MIDEAS: variants seen among roughly 807,000 people sequenced by gnomAD.
MIDEAS encodes mitotic deacetylase-associated SANT domain protein.
Under a neutral mutation model 102.7 loss-of-function variants are expected in MIDEAS, and 26 were observed. The ratio of observed to expected loss-of-function variants is 0.25; its 90% CI spans 0.19 to 0.35. The LOEUF is 0.35. Among genes scored for constraint, MIDEAS ranks in the 10% least tolerant of loss-of-function variants. The pLI is 1.00. For synonymous variants in MIDEAS, 585 were observed against 591.0 expected (o/e 0.99, Z 0.15); for missense variants, 1,231 against 1,435.6 (o/e 0.86, Z 2.30).
At chr14:73,779,477 T>C (rs1374423000) in intron 1 of MIDEAS, among the ~76,000 whole-genome samples, 1 of 151,098 alleles carries the variant, frequency 6.6e-6, no homozygotes, top group Non-Finnish European at 1.5e-5. Flanking sequence ...AGCCAGTGTG[T>C]CTGTTGCCTA....
rs33980532 is a variant in MIDEAS at position 73,720,236 on chromosome 14, C to CTT, written c.2938-737_2938-736dup. The stretch of plus-strand genomic sequence containing the variant: ...AAGCATGAGTGTACTACACACATTC[C>CTT]TTTTTTTTTTTTTTTTTTTTGAGAT... On this transcript the variant is annotated intron_variant, in intron 11 of 12. Coordinates refer to ENST00000423556, the MANE Select transcript of MIDEAS (RefSeq NM_001367710.1). Among the ~76,000 whole-genome samples the CTT allele has an allele frequency of 2.6e-3, 306 of 116,752 alleles. 5 individuals carry two copies. The East Asian group carries it at 0.027, about 10-fold the overall frequency. 76.6% of individuals were successfully genotyped at this position (116,752 alleles called of 152,430 possible). A position where few individuals can be genotyped will look rare whatever the true frequency, so the allele number is the denominator to read the frequency against.
rs1305575110 is a variant in MIDEAS at position 73,717,786 on chromosome 14, A to G, written c.*1057T>C. 1 of 152,676 alleles carries G rather than the reference A, an allele frequency of 6.5e-6. No individual in the cohort carries two copies. Among genetic ancestry groups the G allele is most frequent in the Non-Finnish European group, 1.5e-5 (1 of 68,068 alleles). 9.5% of individuals were successfully genotyped at this position (152,676 alleles called of 1,614,324 possible). A position where few individuals can be genotyped will look rare whatever the true frequency, so the allele number is the denominator to read the frequency against. ...GTCAAGGAATGAAGGCTCCTGTCCA[A>G]TCGAGTTAGGAGACCTCTCCCTCCC... On this transcript the variant is annotated 3_prime_UTR_variant, in exon 13 of 13. Transcript: ENST00000423556.
chr14:73,736,943 T>C (rs995133560), intron 3 of MIDEAS, 55 bp downstream of exon 3: 1 of 1,549,254 alleles, frequency 6.5e-7, no homozygotes, highest in Non-Finnish European at 8.8e-7. Context: ...CATAGGGTCC[T>C]GGGCCCCCTG....
At chr14:73,727,249 G>A in intron 5 of MIDEAS, 1 of 642,492 alleles carries the variant, frequency 1.6e-6, no homozygotes, top group Non-Finnish European at 2.7e-6. Flanking sequence ...ATAAGTTCAA[G>A]CTGAGCCGGT....
chr14:73,772,615 T>C (rs61374877), intron 1 of MIDEAS, among the ~76,000 whole-genome samples: 52 of 152,032 alleles, frequency 3.4e-4, no homozygotes, highest in African/African-American at 1.2e-3. Flanking sequence ...TTTTAAGCAA[T>C]GTTGCTATAA....
chr14:73,719,439 C>A lies in MIDEAS; in HGVS notation c.3000G>T (p.Gln1000His), dbSNP rs1305877681. The change falls in exon 12 of 13, where the codon CAG becomes CAT. Residue 1000 changes from glutamine (Q) to histidine (H), a missense_variant. By Grantham distance (24) the Gln-to-His change is conservative. Around this residue, in one of 5 missense-constraint regions of MIDEAS, gnomAD observed 391 missense variants for 483.0 expected, o/e 0.81. Coordinates refer to ENST00000423556, the MANE Select transcript of MIDEAS (RefSeq NM_001367710.1). ...ESNAPGSAGG[Q>H]ASEKPREGTG... ...TCCCTTCCCTTGGCTTCTCCGAGGC[C>A]TGGCCACCGGCAGACCCAGGGGCGT... 1 of 1,613,992 alleles carries A rather than the reference C, an allele frequency of 6.2e-7. No homozygotes were observed. The highest frequency in any genetic ancestry group is 8.5e-7 in the Non-Finnish European group (1 of 1,180,014).
chr14:73,757,215 C>T (rs887738532), intron 1 of MIDEAS, among the ~76,000 whole-genome samples: 3 of 140,328 alleles, frequency 2.1e-5, no homozygotes, highest in African/African-American at 5.4e-5. Flanking sequence ...GAGATTGCAG[C>T]GACCTGAGAT....
intron 1 of MIDEAS, among the ~76,000 whole-genome samples, chr14:73,743,314 G>T (rs1226334880): frequency 6.6e-6 from 1 of 152,134 alleles, no homozygotes; most frequent in Non-Finnish European, 1.5e-5. Context: ...CCCAAATACA[G>T]CTGAGACCCT....
chr14:73,726,088 CA>C lies in MIDEAS; in HGVS notation c.2429del (p.Leu810ArgfsTer2). 6.3e-7 allele frequency: 1 copy of C among 1,596,418 alleles called. No individual in the cohort carries two copies. Among genetic ancestry groups the C allele is most frequent in the Non-Finnish European group, 8.5e-7 (1 of 1,172,286 alleles). On this transcript the variant is annotated frameshift_variant, in exon 8 of 13. Coordinates refer to ENST00000423556, the MANE Select transcript of MIDEAS (RefSeq NM_001367710.1). LOFTEE classifies it high-confidence loss of function. Reference sequence around the variant, plus strand: ...TGTGGGGCCGCAGGGGCTTCTTCAGCAGCAGCTTATTCAGCGTTTCCTGGAG... The same window carrying C: ...TGTGGGGCCGCAGGGGCTTCTTCAGCGCAGCTTATTCAGCGTTTCCTGGAG... ...GDILETLNKLLLKKPLRPHNH... is the reference protein window; with the variant it reads ...GDILETLNKLXLKKPLRPHNH...
chr14:73,767,349 T>C (rs1335931267), intron 1 of MIDEAS, among the ~76,000 whole-genome samples: 1 of 152,070 alleles, frequency 6.6e-6, no homozygotes, highest in African/African-American at 2.4e-5. Flanking sequence ...CAAGCTGTCA[T>C]AGGGGCTGGG....
intron 1 of MIDEAS, among the ~76,000 whole-genome samples, chr14:73,774,075 C>T (rs2053667796): frequency 6.6e-6 from 1 of 151,160 alleles, no homozygotes; most frequent in Admixed American, 6.6e-5. Flanking sequence ...TCAGCCATGG[C>T]GAGAAAGCCA....
In MIDEAS at chr14:73,717,025, C is replaced by G. The variant is rs2052902747; in HGVS notation, c.*1818G>C. On this transcript the variant is annotated 3_prime_UTR_variant, in exon 13 of 13. Transcript: ENST00000423556. ...GTAAGCTGGGGATCTAGGTAGTCAT[C>G]CAAGAGTCTGGAGGGAGAAGAAATT... is the stretch of plus-strand genomic sequence containing the variant. 6.5e-6 allele frequency: 1 copy of G among 152,706 alleles called. No individual in the cohort carries two copies. The highest frequency in any genetic ancestry group is 2.1e-4 in the South Asian group (1 of 4,820). 9.5% of individuals were successfully genotyped at this position (152,706 alleles called of 1,614,324 possible).
intron 3 of MIDEAS, among the ~76,000 whole-genome samples, chr14:73,734,444 G>A (rs959949710): frequency 2.6e-5 from 4 of 152,136 alleles, no homozygotes; most frequent in African/African-American, 4.8e-5. Context: ...GTCTCACTTT[G>A]TCACACAGGC....
chr14:73,731,451 T>TA (rs1428920307), intron 3 of MIDEAS, among the ~76,000 whole-genome samples: 2 of 151,700 alleles, frequency 1.3e-5, no homozygotes, highest in African/African-American at 2.4e-5. Flanking sequence ...CTTCTTCCCT[T>TA]AGGAAAACAA....
chr14:73,747,541 A>G (rs1323158003), intron 1 of MIDEAS, among the ~76,000 whole-genome samples: 1 of 152,238 alleles, frequency 6.6e-6, no homozygotes, highest in African/African-American at 2.4e-5. Flanking sequence ...CTGAGGAGTC[A>G]AGATTCAAAT....
intron 1 of MIDEAS, among the ~76,000 whole-genome samples, chr14:73,756,267 AGT>A (rs772519833): frequency 0.015 from 2,169 of 141,088 alleles, 32 homozygotes; most frequent in African/African-American, 0.03. Flanking sequence ...AGCCCATGTC[AGT>A]GTGTGTGTGT....
chr14:73,772,494 A>G (rs1004284659), intron 1 of MIDEAS, among the ~76,000 whole-genome samples: 2 of 152,186 alleles, frequency 1.3e-5, no homozygotes, highest in Non-Finnish European at 2.9e-5. Context: ...TTATCTTCAT[A>G]TTAAGATAAC....
Position 73,740,019 on chromosome 14 carries a change from A to C in MIDEAS, c.-11T>G. 2.0e-6 allele frequency: 3 copies of C among 1,475,598 alleles called. No individual in the cohort carries two copies. The highest frequency in any genetic ancestry group is 2.7e-6 in the Non-Finnish European group (3 of 1,110,590). The allele number at this position is 1,475,598 out of a possible 1,614,324, so 91.4% of individuals were successfully genotyped here. ...GGCCTGGAGGTTCATGATGTGGCCA[A>C]CTGAGCCCTGGCGGTGAGATCCCCT... On this transcript the variant is annotated 5_prime_UTR_variant, in exon 2 of 13. Transcript: ENST00000423556.
chr14:73,721,322 G>A lies in MIDEAS; in HGVS notation c.2912C>T (p.Thr971Met), dbSNP rs1478434528. 3.7e-6 allele frequency: 6 copies of A among 1,613,530 alleles called. No individual in the cohort carries two copies. Among genetic ancestry groups the A allele is most frequent in the East Asian group, 2.2e-5 (1 of 44,870 alleles). ...CGACTCATTGGCCTGTAGTGTCTGCGTGGCTTTGACTGCCGCTGCCCGCCT... is the reference window on the plus strand; with the variant it reads ...CGACTCATTGGCCTGTAGTGTCTGCATGGCTTTGACTGCCGCTGCCCGCCT... ...RSRRAAAVKA[T>M]QTLQANESAS... The change falls in exon 11 of 13, where the codon ACG becomes ATG. Residue 971 changes from threonine (T) to methionine (M), a missense_variant. Thr to Met is a moderately conservative substitution (Grantham distance 81). Transcript: ENST00000423556.
Sources: gnomAD v4.1 joint callset for allele counts (sites outside exome capture counted in the v4.1 genomes callset) on GRCh38, gnomAD v4.1.1 for gene constraint, gnomAD v4.1.1 regional missense constraint, MANE v1.5 for transcripts, NCBI Gene and HGNC (gene_info 2026-07-23, HGNC 2026-07-21) for gene names.